Variants in TNFRSF9 observed in about 807,000 individuals in gnomAD.
TNFRSF9 encodes tumor necrosis factor receptor superfamily member 9.
TNFRSF9 carries 16 observed loss-of-function variants against 28.8 expected under a neutral mutation model. The observed-to-expected ratio is 0.55, with a 90% confidence interval of 0.38 to 0.84. The LOEUF is 0.84. Among genes scored for constraint, TNFRSF9 ranks in the 40% least tolerant of loss-of-function variants. The probability of loss-of-function intolerance (pLI) is 0.00; values close to 1 mark genes in which losing one functional copy is unlikely to be tolerated. For synonymous variants in TNFRSF9, 131 were observed against 117.0 expected, an observed-to-expected ratio of 1.12 and a Z score of -0.77; for missense variants, 303 against 315.0, an observed-to-expected ratio of 0.96 and a Z score of 0.29.
chr1:7,924,816 G>A (rs1028025471), intron 7 of TNFRSF9, among the ~76,000 whole-genome samples: 2 of 152,038 alleles, frequency 1.3e-5, no homozygotes, highest in African/African-American at 4.8e-5. Flanking sequence ...AACTCTGTGT[G>A]GGTCTAGGCT....
intron 6 of TNFRSF9, among the ~76,000 whole-genome samples, chr1:7,933,730 T>G (rs1405774985): frequency 6.6e-6 from 1 of 150,458 alleles, no homozygotes; most frequent in African/African-American, 2.4e-5. Flanking sequence ...AAAGAGAAAC[T>G]TAATGGCAGG....
chr1:7,933,906 A>G (rs775819871), intron 6 of TNFRSF9, among the ~76,000 whole-genome samples: 3 of 151,852 alleles, frequency 2.0e-5, no homozygotes, highest in Non-Finnish European at 4.4e-5. Flanking sequence ...AATCCCAGCT[A>G]CTCAGGAGGC....
At chr1:7,933,556 G>A (rs1470780830) in intron 6 of TNFRSF9, among the ~76,000 whole-genome samples, 1 of 152,024 alleles carries the variant, frequency 6.6e-6, no homozygotes, top group African/African-American at 2.4e-5. Flanking sequence ...GGCCAACATA[G>A]TGGTGGCAGG....
chr1:7,921,466 G>A (rs1338332623), intron 7 of TNFRSF9, among the ~76,000 whole-genome samples: 1 of 151,770 alleles, frequency 6.6e-6, no homozygotes, highest in Non-Finnish European at 1.5e-5. Flanking sequence ...AGGAGTTCAA[G>A]ACCAGCCTGG....
chr1:7,932,527 C>T (rs1639746421), intron 7 of TNFRSF9, among the ~76,000 whole-genome samples: 1 of 152,248 alleles, frequency 6.6e-6, no homozygotes, highest in Non-Finnish European at 1.5e-5. Context: ...GTTAAACCCC[C>T]TTCAAGCTCC....
intron 6 of TNFRSF9, among the ~76,000 whole-genome samples, chr1:7,934,483 G>A (rs1434986799): frequency 6.6e-6 from 1 of 152,108 alleles, no homozygotes; most frequent in African/African-American, 2.4e-5. Flanking sequence ...GGCCGAGGTG[G>A]GCGGATCATG....
chr1:7,937,557 A>G, intron 5 of TNFRSF9, 133 bp downstream of exon 5: 1 of 649,408 alleles, frequency 1.5e-6, no homozygotes, highest in Non-Finnish European at 2.7e-6. Flanking sequence ...CAGTGTTCCC[A>G]CGCTGCCTAT....
At position 7,916,969 on chromosome 1, in the gene TNFRSF9, AC is replaced by A. The variant is rs1029087698; in HGVS notation, c.*3865del. On this transcript the variant is annotated 3_prime_UTR_variant, in exon 8 of 8. Coordinates refer to ENST00000377507, the MANE Select transcript of TNFRSF9 (RefSeq NM_001561.6). ...TCCTGAGACAGAGTTTCGCTCTGTC[AC>A]CCAGGCTGGAGTGCAATGGTACGAT... 39 of 152,266 alleles carry A rather than the reference AC, an allele frequency of 2.6e-4. No individual in the cohort carries two copies. Among genetic ancestry groups the A allele is most frequent in the African/African-American group, 8.7e-4 (36 of 41,548 alleles). 9.4% of individuals were successfully genotyped at this position (152,266 alleles called of 1,614,324 possible).
At chr1:7,934,687 A>G (rs939619252) in intron 6 of TNFRSF9, among the ~76,000 whole-genome samples, 7 of 152,096 alleles carry the variant, frequency 4.6e-5, no homozygotes, top group East Asian at 1.9e-4. Context: ...CCAGCCTGGC[A>G]CAGAGCAAGA....
intron 4 of TNFRSF9, 43 bp downstream of exon 4, chr1:7,938,150 C>A: frequency 6.7e-7 from 1 of 1,493,650 alleles, no homozygotes; most frequent in South Asian, 1.4e-5. Context: ...CTAAGTTTGT[C>A]TATGTCACAA....
intron 7 of TNFRSF9, 142 bp downstream of exon 7, chr1:7,933,020 C>T: frequency 2.0e-6 from 2 of 978,918 alleles, no homozygotes; most frequent in South Asian, 1.8e-5. Context: ...TGCAAATATT[C>T]CCAGGGACGA....
In TNFRSF9 at chr1:7,916,665, G is replaced by A. The variant is rs927868458; in HGVS notation, c.*4170C>T. 11 of 152,068 alleles carry A rather than the reference G, an allele frequency of 7.2e-5. No individual in the cohort carries two copies. The highest frequency in any genetic ancestry group is 2.4e-4 in the African/African-American group (10 of 41,368). 9.4% of individuals were successfully genotyped at this position (152,068 alleles called of 1,614,324 possible). A position where few individuals can be genotyped will look rare whatever the true frequency, so the allele number is the denominator to read the frequency against. Reference sequence around the variant, plus strand: ...AACTTACAGCATCATGATTCAGAAAGACAAAAATATTCGCACCTAGCTTTG... The same window carrying A: ...AACTTACAGCATCATGATTCAGAAAAACAAAAATATTCGCACCTAGCTTTG... On this transcript the variant is annotated 3_prime_UTR_variant, in exon 8 of 8. Coordinates refer to ENST00000377507, the MANE Select transcript of TNFRSF9 (RefSeq NM_001561.6).
At chr1:7,934,306 G>A (rs572415923) in intron 6 of TNFRSF9, among the ~76,000 whole-genome samples, 1 of 151,998 alleles carries the variant, frequency 6.6e-6, no homozygotes, top group African/African-American at 2.4e-5. Context: ...GAGCACAGGA[G>A]GTGGAGGTTG....
chr1:7,938,356 A>AT (rs1365254588), intron 3 of TNFRSF9, 26 bp from the exon 4 acceptor site: 1 of 1,565,450 alleles, frequency 6.4e-7, no homozygotes, highest in Non-Finnish European at 8.7e-7. Context: ...AGCCCCCAAC[A>AT]TTTTATTACA....
Position 7,919,561 on chromosome 1 carries a change from A to G in TNFRSF9, c.*1274T>C, listed in dbSNP as rs551790826. ...CTTAGATCATAAGCCAAACAATGGC[A>G]GGCATGCCAGGTTTGCACCTGTAAT... On this transcript the variant is annotated 3_prime_UTR_variant, in exon 8 of 8. Coordinates refer to ENST00000377507, the MANE Select transcript of TNFRSF9 (RefSeq NM_001561.6). 26 of 152,362 alleles carry G rather than the reference A, an allele frequency of 1.7e-4. No individual in the cohort carries two copies. The highest frequency in any genetic ancestry group is 6.3e-4 in the African/African-American group (26 of 41,578). 9.4% of individuals were successfully genotyped at this position (152,362 alleles called of 1,614,324 possible).
intron 7 of TNFRSF9, among the ~76,000 whole-genome samples, chr1:7,930,319 G>A (rs181010434): frequency 1.8e-4 from 27 of 152,204 alleles, no homozygotes; most frequent in African/African-American, 4.6e-4. Flanking sequence ...GATGGCGAGC[G>A]CGGAATCCTA....
intron 7 of TNFRSF9, among the ~76,000 whole-genome samples, chr1:7,921,583 G>C (rs377280187): frequency 1.3e-5 from 2 of 151,752 alleles, no homozygotes; most frequent in Non-Finnish European, 2.9e-5. Context: ...GCAGAGAATC[G>C]CCTGAACCTG....
rs574822250 is a variant in TNFRSF9 at position 7,918,816 on chromosome 1, A to G, written c.*2019T>C. The G allele has an allele frequency of 1.5e-4, 23 of 152,310 alleles. No homozygotes were observed. The highest frequency in any genetic ancestry group is 3.2e-4 in the Non-Finnish European group (22 of 68,028). The allele number at this position is 152,310 out of a possible 1,614,324, so 9.4% of individuals were successfully genotyped here. On this transcript the variant is annotated 3_prime_UTR_variant, in exon 8 of 8. Transcript: ENST00000377507. ...CACAGTGAGATCTCATTCTATACCC[A>G]CTGGCTTGGCAAAATTAAGGGCACC...
At chr1:7,929,157 C>CTTTTTTTTTT (rs1491203940) in intron 7 of TNFRSF9, among the ~76,000 whole-genome samples, 3 of 65,440 alleles carry the variant, frequency 4.6e-5, no homozygotes, top group Non-Finnish European at 1.2e-4. Context: ...TTTTCTTTTT[C>CTTTTTTTTTT]CTTTTTTTTT....
Sources: gnomAD v4.1 joint callset for allele counts (sites outside exome capture counted in the v4.1 genomes callset) on GRCh38, gnomAD v4.1.1 for gene constraint, MANE v1.5 for transcripts, NCBI Gene and HGNC (gene_info 2026-07-23, HGNC 2026-07-21) for gene names.